NSUN6: variants seen among roughly 807,000 people sequenced by gnomAD.
NSUN6 encodes the protein tRNA (cytosine(72)-C(5))-methyltransferase NSUN6.
A neutral mutation model predicts 58.0 loss-of-function variants in NSUN6; 64 were observed. That is an observed-to-expected ratio of 1.10 (90% confidence interval 0.90 to 1.36). The LOEUF (loss-of-function observed/expected upper bound fraction) is 1.36, where lower values mean the gene tolerates loss of function less well. NSUN6 is among the 40% of genes most tolerant of loss of function. NSUN6 has a pLI of 0.00. For missense variants in NSUN6, 701 were observed against 550.1 expected (o/e 1.27, Z -2.74); for synonymous variants, 231 against 193.9 (o/e 1.19, Z -1.59).
intron 4 of NSUN6, 23 bp downstream of exon 4, chr10:18,616,161 A>G (rs200330566): frequency 7.9e-7 from 1 of 1,260,592 alleles, no homozygotes; most frequent in African/African-American, 1.5e-5. Context: ...AACCTTAAAG[A>G]CAAATCTAAA....
chr10:18,633,166 A>G (rs1235364441), intron 3 of NSUN6, among the ~76,000 whole-genome samples: 2 of 151,806 alleles, frequency 1.3e-5, no homozygotes, highest in East Asian at 1.9e-4. Context: ...ACAAAAAACC[A>G]AACACCGCAT....
At chr10:18,549,487 G>A (rs1006799501) in intron 9 of NSUN6, among the ~76,000 whole-genome samples, 4 of 152,056 alleles carry the variant, frequency 2.6e-5, no homozygotes, top group Admixed American at 2.6e-4. Context: ...TTGCTCCATA[G>A]GGCCATTGCA....
chr10:18,658,723 G>A (rs1367675943), upstream of NSUN6: 7 of 882,706 alleles, frequency 7.9e-6, no homozygotes, highest in Non-Finnish European at 9.5e-6. Context: ...CACGACAGGG[G>A]CCGGGCGCGG....
chr10:18,658,725 C>A (rs1167650738), upstream of NSUN6: 2 of 872,414 alleles, frequency 2.3e-6, no homozygotes, highest in African/African-American at 3.6e-5. Context: ...CGACAGGGGC[C>A]GGGCGCGGTG....
rs771135044 is a variant in NSUN6, at chr10:18,585,955, T to C, written c.916A>G (p.Thr306Ala). ...GAAAATCAAAATAGCTCACCTTCTG[T>C]GTCCTCCACCATATCAAGTTTAACC... is the stretch of plus-strand genomic sequence containing the variant. ...KAVKLDMVED[T>A]EGEPPFLPES... Residue 306 changes from threonine to alanine, a missense_variant, in exon 8 of 11, where the codon ACA (threonine) becomes GCA (alanine). Coordinates refer to ENST00000377304, the MANE Select transcript of NSUN6 (RefSeq NM_182543.5). The C allele has an allele frequency of 1.9e-6, 3 of 1,597,652 alleles. No homozygotes were observed. Among genetic ancestry groups the C allele is most frequent in the South Asian group, 2.3e-5 (2 of 87,042 alleles).
chr10:18,578,022 C>T (rs1361636646), intron 8 of NSUN6, among the ~76,000 whole-genome samples: 1 of 152,214 alleles, frequency 6.6e-6, no homozygotes, highest in Non-Finnish European at 1.5e-5. Flanking sequence ...TACCCTTCTA[C>T]AGAAGTAAAT....
At chr10:18,550,343 C>T (rs1346539574) in intron 9 of NSUN6, among the ~76,000 whole-genome samples, 1 of 152,200 alleles carries the variant, frequency 6.6e-6, no homozygotes, top group African/African-American at 2.4e-5. Flanking sequence ...TTAAATAATA[C>T]ACAACCAGTG....
intron 6 of NSUN6, among the ~76,000 whole-genome samples, chr10:18,598,614 G>A (rs1303168651): frequency 1.3e-5 from 2 of 152,056 alleles, no homozygotes; most frequent in Non-Finnish European, 2.9e-5. Context: ...TGGGACTACA[G>A]GCACACATCA....
chr10:18,648,849 T>A (rs1202436493), intron 1 of NSUN6, among the ~76,000 whole-genome samples: 1 of 152,174 alleles, frequency 6.6e-6, no homozygotes, highest in African/African-American at 2.4e-5. Flanking sequence ...AATAAACACC[T>A]AAGAAAATGC....
intron 6 of NSUN6, among the ~76,000 whole-genome samples, chr10:18,608,617 T>C (rs1011970807): frequency 8.0e-5 from 11 of 137,230 alleles, no homozygotes; most frequent in Admixed American, 2.4e-4. Context: ...CGAGCCTGCG[T>C]GACAGAGTAA....
At position 18,578,613 on chromosome 10, in the gene NSUN6, T is replaced by C. The variant is rs1169274410; in HGVS notation, c.922+7336A>G. Among the ~76,000 whole-genome samples, 3 of 152,242 alleles carry C rather than the reference T, an allele frequency of 2.0e-5. No individual in the cohort carries two copies. In the East Asian group the frequency reaches 5.8e-4, roughly 29 times the overall value. On this transcript the variant is annotated intron_variant, in intron 8 of 10. Coordinates refer to ENST00000377304, the MANE Select transcript of NSUN6 (RefSeq NM_182543.5). ...TCAATTCAACTAATTCCTTAGACTG[T>C]TGGTTTATATTCTCTCTCTCCGGCA... is the stretch of plus-strand genomic sequence containing the variant.
chr10:18,609,303 C>T (rs890911424), intron 6 of NSUN6, among the ~76,000 whole-genome samples: 1 of 151,862 alleles, frequency 6.6e-6, no homozygotes, highest in Admixed American at 6.6e-5. Context: ...AGAGTGAGAG[C>T]CTGTCTCAAA....
At chr10:18,552,622 T>A (rs1055736794) in intron 8 of NSUN6, among the ~76,000 whole-genome samples, 1 of 151,172 alleles carries the variant, frequency 6.6e-6, no homozygotes, top group Admixed American at 6.6e-5. Context: ...CCATTCCGCA[T>A]TCCATTTCAT....
Position 18,546,162 on chromosome 10 carries a change from G to C in NSUN6, c.1198-17C>G. 6.6e-7 allele frequency: 1 copy of C among 1,504,900 alleles called. No homozygotes were observed. The highest frequency in any genetic ancestry group is 9.3e-7 in the Non-Finnish European group (1 of 1,080,260). The allele number at this position is 1,504,900 out of a possible 1,614,324, so 93.2% of individuals were successfully genotyped here. ...CTGCGGTTCCTGTTTGGAGAAAGTG[G>C]ATCAATATGGATGAACATCCTGTAA... On this transcript the variant is annotated splice_polypyrimidine_tract_variant and intron_variant, in intron 10 of 10. Coordinates refer to ENST00000377304, the MANE Select transcript of NSUN6 (RefSeq NM_182543.5).
intron 8 of NSUN6, among the ~76,000 whole-genome samples, chr10:18,562,032 C>A (rs1216719529): frequency 2.8e-5 from 4 of 144,892 alleles, no homozygotes; most frequent in Admixed American, 2.1e-4. Flanking sequence ...GAATGGAATG[C>A]GGAATGGAAT....
chr10:18,645,453 T>C (rs549426600), intron 2 of NSUN6, among the ~76,000 whole-genome samples: 2 of 152,206 alleles, frequency 1.3e-5, no homozygotes, highest in Non-Finnish European at 2.9e-5. Flanking sequence ...CATGCAAATA[T>C]TCTAAAAGCT....
chr10:18,629,411 C>T (rs1366855948), intron 3 of NSUN6, among the ~76,000 whole-genome samples: 1 of 151,634 alleles, frequency 6.6e-6, no homozygotes, highest in African/African-American at 2.4e-5. Context: ...ACAATATTAA[C>T]TTTAAATGTA....
intron 8 of NSUN6, among the ~76,000 whole-genome samples, chr10:18,570,612 C>T (rs962801244): frequency 7.4e-6 from 1 of 135,920 alleles, no homozygotes; most frequent in African/African-American, 2.6e-5. Context: ...CTGTCCATTC[C>T]ATTCCATTCT....
chr10:18,551,687 A>G (rs1232292726), intron 9 of NSUN6, 136 bp downstream of exon 9: 2 of 645,564 alleles, frequency 3.1e-6, no homozygotes, highest in Non-Finnish European at 5.5e-6. Flanking sequence ...TTATCCATGT[A>G]TCTGTCAACA....
Sources: allele counts gnomAD v4.1 joint callset (sites outside exome capture counted in the v4.1 genomes callset), GRCh38; gene constraint gnomAD v4.1.1; transcripts MANE v1.5; gene names NCBI Gene and HGNC (gene_info 2026-07-23, HGNC 2026-07-21).